The following CAMK2D variants were observed in gnomAD, a reference collection of about 807,000 sequenced individuals.
CAMK2D encodes calcium/calmodulin-dependent protein kinase type II subunit delta.
CAMK2D carries 37 observed loss-of-function variants against 84.0 expected under a neutral mutation model. The ratio of observed to expected loss-of-function variants is 0.44; its 90% CI spans 0.34 to 0.58. The LOEUF (loss-of-function observed/expected upper bound fraction) is 0.58. Among genes scored for constraint, CAMK2D ranks in the 20% least tolerant of loss-of-function variants. The pLI is 0.02. For missense variants in CAMK2D, 448 were observed against 652.5 expected (o/e 0.69, Z 3.41); for synonymous variants, 202 against 212.5 (o/e 0.95, Z 0.43).
chr4:113,635,078 A>T (rs2099104846), intron 3 of CAMK2D, among the ~76,000 whole-genome samples: 1 of 152,246 alleles, frequency 6.6e-6, no homozygotes, highest in Non-Finnish European at 1.5e-5. Flanking sequence ...GCAAATATTT[A>T]TATAAAGATA....
intron 2 of CAMK2D, among the ~76,000 whole-genome samples, chr4:113,662,570 T>C (rs1407775715): frequency 1.3e-5 from 2 of 152,210 alleles, no homozygotes; most frequent in Non-Finnish European, 1.5e-5. Context: ...TGAAAACTTA[T>C]ACACAAAATA....
At chr4:113,759,546 A>T (rs1374269304) in intron 1 of CAMK2D, 132 bp from the exon 2 acceptor site, 2 of 449,238 alleles carry the variant, frequency 4.5e-6, no homozygotes, top group Non-Finnish European at 7.7e-6. Flanking sequence ...TAAATGAACA[A>T]TTCTTCCTGG....
intron 2 of CAMK2D, among the ~76,000 whole-genome samples, chr4:113,756,582 A>G (rs2099629063): frequency 6.6e-6 from 1 of 152,086 alleles, no homozygotes; most frequent in Non-Finnish European, 1.5e-5. Context: ...GATTTGTATC[A>G]TCTTCTCTGA....
chr4:113,534,957 T>C (rs2098479796), intron 7 of CAMK2D, among the ~76,000 whole-genome samples: 1 of 152,166 alleles, frequency 6.6e-6, no homozygotes, highest in Non-Finnish European at 1.5e-5. Context: ...GCTCTCAAAC[T>C]ATATGTGTCA....
chr4:113,647,477 T>C (rs1218304664), intron 3 of CAMK2D, among the ~76,000 whole-genome samples: 1 of 152,260 alleles, frequency 6.6e-6, no homozygotes, highest in Non-Finnish European at 1.5e-5. Context: ...TTGTAACTCT[T>C]ACTTTAAATC....
chr4:113,677,291 A>T (rs1310056470), intron 2 of CAMK2D, among the ~76,000 whole-genome samples: 2 of 152,106 alleles, frequency 1.3e-5, no homozygotes, highest in African/African-American at 4.8e-5. Flanking sequence ...GATTTTTTTT[A>T]ATGCTCTGTC....
At chr4:113,507,868 C>T (rs891012805) in intron 13 of CAMK2D, among the ~76,000 whole-genome samples, 4 of 151,804 alleles carry the variant, frequency 2.6e-5, no homozygotes, top group Non-Finnish European at 4.4e-5. Flanking sequence ...ATTATGGTGT[C>T]CTATAAATCA....
In CAMK2D at chr4:113,451,047, A is replaced by G. The variant is rs1386111363; in HGVS notation, c.*3498T>C. 2 of 152,240 alleles carry G rather than the reference A, an allele frequency of 1.3e-5. No homozygotes were observed. Among genetic ancestry groups the G allele is most frequent in the Admixed American group, 1.3e-4 (2 of 15,280 alleles). 9.4% of individuals were successfully genotyped at this position (152,240 alleles called of 1,614,324 possible). A position where few individuals can be genotyped will look rare whatever the true frequency, so the allele number is the denominator to read the frequency against. ...CCATGAAAGGTTCATAGAAGTCAGT[A>G]GAATTTTATTCAATGAAATCACTCG... is the stretch of plus-strand genomic sequence containing the variant. On this transcript the variant is annotated 3_prime_UTR_variant, in exon 21 of 21. Coordinates refer to ENST00000511664, the MANE Select transcript of CAMK2D (RefSeq NM_001321571.2).
intron 2 of CAMK2D, among the ~76,000 whole-genome samples, chr4:113,696,217 C>G (rs954864397): frequency 6.6e-6 from 1 of 151,432 alleles, no homozygotes; most frequent in African/African-American, 2.4e-5. Flanking sequence ...CACACACACA[C>G]ACACACACAC....
At chr4:113,729,762 A>T (rs1217653034) in intron 2 of CAMK2D, among the ~76,000 whole-genome samples, 1 of 152,130 alleles carries the variant, frequency 6.6e-6, no homozygotes, top group African/African-American at 2.4e-5. Flanking sequence ...ATGAAGGCAG[A>T]CCTCTCATGA....
At position 113,661,777 on chromosome 4, in the gene CAMK2D, T is replaced by TAA. The variant is rs749740075; in HGVS notation, c.161-7_161-6dup. 5.0e-4 allele frequency: 599 copies of TAA among 1,204,552 alleles called. No homozygotes were observed. Among genetic ancestry groups the TAA allele is most frequent in the South Asian group, 2.0e-3 (124 of 60,650 alleles). 74.6% of individuals were successfully genotyped at this position (1,204,552 alleles called of 1,614,324 possible). A position where few individuals can be genotyped will look rare whatever the true frequency, so the allele number is the denominator to read the frequency against. On this transcript the variant is annotated splice_region_variant and splice_polypyrimidine_tract_variant and intron_variant, in intron 2 of 20. Coordinates refer to ENST00000511664, the MANE Select transcript of CAMK2D (RefSeq NM_001321571.2). ...CTCTTTCTAGTTTCTGATGATCTGT[T>TAA]AAAAAAAAAAACAGAATAAGGCAAA...
intron 4 of CAMK2D, among the ~76,000 whole-genome samples, chr4:113,573,635 C>A (rs111946693): frequency 1.2e-4 from 18 of 152,318 alleles, no homozygotes; most frequent in Admixed American, 3.9e-4. Flanking sequence ...AACCAGAAGC[C>A]TCCAGATAAC....
rs953124475 is a variant in CAMK2D at position 113,609,315 on chromosome 4, A to G, written c.221-109T>C. On this transcript the variant is annotated intron_variant, in intron 3 of 20. Coordinates refer to ENST00000511664, the MANE Select transcript of CAMK2D (RefSeq NM_001321571.2). ...TCCTAGCTAGAAATGTTGGCATTAC[A>G]TTTTATTTTAGCCTTTGATACGTCC... 1.8e-5 allele frequency: 12 copies of G among 685,068 alleles called. No homozygotes were observed. In the East Asian group the frequency reaches 2.6e-4, roughly 15 times the overall value. 42.4% of individuals were successfully genotyped at this position (685,068 alleles called of 1,614,324 possible).
chr4:113,577,318 TC>T (rs150224626), intron 4 of CAMK2D, among the ~76,000 whole-genome samples: 6,166 of 152,296 alleles, frequency 0.04, 357 homozygotes, highest in East Asian at 0.19. Context: ...CAATCTTTCT[TC>T]ATTTTGTAAA....
chr4:113,589,191 T>C (rs2154249985), intron 4 of CAMK2D, among the ~76,000 whole-genome samples: 1 of 152,108 alleles, frequency 6.6e-6, no homozygotes, highest in East Asian at 1.9e-4. Context: ...AGGAGTGGCA[T>C]GCTCTTGGAA....
At chr4:113,629,882 T>C (rs748842858) in intron 3 of CAMK2D, among the ~76,000 whole-genome samples, 4 of 151,772 alleles carry the variant, frequency 2.6e-5, no homozygotes, top group Non-Finnish European at 4.4e-5. Flanking sequence ...CAGACTTACA[T>C]ACAGGAAATG....
At chr4:113,587,862 C>A (rs1407778262) in intron 4 of CAMK2D, among the ~76,000 whole-genome samples, 2 of 151,994 alleles carry the variant, frequency 1.3e-5, no homozygotes, top group African/African-American at 4.8e-5. Context: ...GCATACCCTT[C>A]GAAAAAGTCT....
intron 16 of CAMK2D, among the ~76,000 whole-genome samples, chr4:113,470,861 A>G (rs1040246867): frequency 6.6e-6 from 1 of 152,222 alleles, no homozygotes; most frequent in Non-Finnish European, 1.5e-5. Flanking sequence ...TGCATGGCAT[A>G]TAGGAAATGT....
intron 2 of CAMK2D, among the ~76,000 whole-genome samples, chr4:113,751,054 AG>A (rs2099616007): frequency 6.6e-6 from 1 of 152,138 alleles, no homozygotes; most frequent in African/African-American, 2.4e-5. Flanking sequence ...AAAAGAAAAG[AG>A]AGTTCAAATT....
Sources: gnomAD v4.1 joint callset for allele counts (sites outside exome capture counted in the v4.1 genomes callset) on GRCh38, gnomAD v4.1.1 for gene constraint, MANE v1.5 for transcripts, NCBI Gene and HGNC (gene_info 2026-07-23, HGNC 2026-07-21) for gene names.